Variants in TMEFF2 observed in about 807,000 individuals in gnomAD.
TMEFF2 encodes the protein tomoregulin-2.
TMEFF2 carries 28 observed loss-of-function variants against 53.8 expected under a neutral mutation model. The ratio of observed to expected loss-of-function variants is 0.52; its 90% CI spans 0.39 to 0.71. The LOEUF (loss-of-function observed/expected upper bound fraction) is 0.71. TMEFF2 is among the 30% of genes least tolerant of loss of function. The pLI is 0.00. For missense variants in TMEFF2, 353 were observed against 455.2 expected, an observed-to-expected ratio of 0.78 and a Z score of 2.04; for synonymous variants, 162 against 166.3, an observed-to-expected ratio of 0.97 and a Z score of 0.20.
intron 4 of TMEFF2, among the ~76,000 whole-genome samples, chr2:192,084,195 C>A (rs1336832098): frequency 6.6e-6 from 1 of 152,140 alleles, no homozygotes; most frequent in African/African-American, 2.4e-5. Flanking sequence ...CTGTAACCAT[C>A]TTTTGTGCTT....
chr2:192,169,247 G>A (rs2017375), intron 4 of TMEFF2, among the ~76,000 whole-genome samples: 78,847 of 151,958 alleles, frequency 0.52, 20,617 homozygotes, highest in East Asian at 0.63. Flanking sequence ...TCATCCTGAT[G>A]TAGATTTTCA....
intron 7 of TMEFF2, among the ~76,000 whole-genome samples, chr2:191,959,001 CAA>C (rs1010156011): frequency 3.9e-5 from 6 of 152,088 alleles, no homozygotes; most frequent in African/African-American, 1.4e-4. Flanking sequence ...AATATCCAAA[CAA>C]ACATGTATAT....
At chr2:192,107,114 G>GA (rs1043599411) in intron 4 of TMEFF2, among the ~76,000 whole-genome samples, 5 of 151,656 alleles carry the variant, frequency 3.3e-5, no homozygotes, top group East Asian at 3.8e-4. Flanking sequence ...AATATTCTGA[G>GA]AAAAAAGACT....
At chr2:192,064,848 A>T (rs1688131644) in intron 4 of TMEFF2, among the ~76,000 whole-genome samples, 1 of 151,906 alleles carries the variant, frequency 6.6e-6, no homozygotes, top group African/African-American at 2.4e-5. Context: ...CAGTTCCAGA[A>T]GGAAAAGATA....
At position 191,950,238 on chromosome 2, in the gene TMEFF2, A is replaced by ATTCT. The variant is rs1691830268; in HGVS notation, c.*69_*72dup. ...GCAACATGTGTAGATCTCTTGTCTT[A>ATTCT]TTCTTTTGTCTATAATACTGTATTG... On this transcript the variant is annotated 3_prime_UTR_variant, in exon 10 of 10. Coordinates refer to ENST00000272771, the MANE Select transcript of TMEFF2 (RefSeq NM_016192.4). 2.1e-5 allele frequency: 29 copies of ATTCT among 1,399,310 alleles called. No individual in the cohort carries two copies. Among genetic ancestry groups the ATTCT allele is most frequent in the Non-Finnish European group, 2.4e-5 (26 of 1,065,968 alleles). 86.7% of individuals were successfully genotyped at this position (1,399,310 alleles called of 1,614,324 possible). A position where few individuals can be genotyped will look rare whatever the true frequency, so the allele number is the denominator to read the frequency against.
intron 5 of TMEFF2, among the ~76,000 whole-genome samples, chr2:192,054,179 ACAAGATAT>A (rs760289776): frequency 6.6e-6 from 1 of 151,152 alleles, no homozygotes; most frequent in Non-Finnish European, 1.5e-5. Context: ...CTGGGGGCAT[ACAAGATAT>A]CATAGCCAAG....
chr2:192,120,109 G>T (rs530939527), intron 4 of TMEFF2, among the ~76,000 whole-genome samples: 1 of 152,134 alleles, frequency 6.6e-6, no homozygotes, highest in East Asian at 1.9e-4. Context: ...GGGCTTGGCT[G>T]GTAGGGCAAA....
At position 191,950,405 on chromosome 2, in the gene TMEFF2, T is replaced by C. The variant is rs774379982; in HGVS notation, c.1031A>G (p.Lys344Arg). 1 of 1,614,044 alleles carries C rather than the reference T, an allele frequency of 6.2e-7. No individual in the cohort carries two copies. The highest frequency in any genetic ancestry group is 2.2e-5 in the East Asian group (1 of 44,864). ...ICVVVLCITR[K>R]CPRSNRIHRQ... ...GTGAATTCTGTTGCTTCTGGGGCAT[T>C]TCCTGGAAGGTTGGAAAGTTTACAA... The change falls in exon 10 of 10, where the codon AAA becomes AGA. Residue 344 changes from lysine to arginine, a missense_variant and splice_region_variant. Physicochemically the swap from Lys to Arg is conservative, Grantham distance 26. This residue lies in a region of TMEFF2 where 294 missense variants were observed against 397.3 expected (regional missense o/e 0.74). Transcript: ENST00000272771.
chr2:192,127,747 A>T (rs566967190), intron 4 of TMEFF2, among the ~76,000 whole-genome samples: 1 of 152,222 alleles, frequency 6.6e-6, no homozygotes, highest in Non-Finnish European at 1.5e-5. Flanking sequence ...AGTTAGTTCA[A>T]TAAGTCGTGA....
In TMEFF2 at chr2:192,016,809, G is replaced by A. The variant is rs553099176; in HGVS notation, c.537-17601C>T. Among the ~76,000 whole-genome samples the A allele has an allele frequency of 3.6e-3, 541 of 152,304 alleles. 5 individuals are homozygous for A. The highest frequency in any genetic ancestry group is 5.9e-3 in the Admixed American group (90 of 15,296). On this transcript the variant is annotated intron_variant, in intron 5 of 9. Transcript: ENST00000272771. ...GCTGTAGAAGAAAAATTGCAAAGCA[G>A]AATTTTAGTGTTTTCATTCATTTAG...
At chr2:192,160,097 T>C (rs1425324176) in intron 4 of TMEFF2, among the ~76,000 whole-genome samples, 1 of 152,188 alleles carries the variant, frequency 6.6e-6, no homozygotes, top group Non-Finnish European at 1.5e-5. Flanking sequence ...GACTGCCTTC[T>C]AAAATTTTGA....
intron 2 of TMEFF2, among the ~76,000 whole-genome samples, chr2:192,188,865 A>G (rs1470091094): frequency 6.7e-6 from 1 of 148,482 alleles, no homozygotes; most frequent in African/African-American, 2.5e-5. Context: ...CTATCTATCT[A>G]TCTATCTATC....
intron 5 of TMEFF2, among the ~76,000 whole-genome samples, chr2:192,011,787 A>C (rs1006986714): frequency 2.0e-5 from 3 of 152,206 alleles, no homozygotes; most frequent in African/African-American, 4.8e-5. Context: ...GATCTGATTC[A>C]TCTTTACCCA....
At chr2:191,996,452 C>G (rs951903311) in intron 7 of TMEFF2, among the ~76,000 whole-genome samples, 1 of 151,638 alleles carries the variant, frequency 6.6e-6, no homozygotes, top group African/African-American at 2.4e-5. Flanking sequence ...CTTATAATAC[C>G]ATCAAAATAT....
At chr2:191,958,480 C>T (rs1331914938) in intron 7 of TMEFF2, among the ~76,000 whole-genome samples, 1 of 151,962 alleles carries the variant, frequency 6.6e-6, no homozygotes, top group African/African-American at 2.4e-5. Context: ...AGTGAAAATC[C>T]GGTTTTTAGT....
chr2:192,056,288 CAAT>C (rs1175143486), intron 5 of TMEFF2, among the ~76,000 whole-genome samples: 3 of 147,984 alleles, frequency 2.0e-5, no homozygotes, highest in Non-Finnish European at 3.0e-5. Context: ...GAAATAATAG[CAAT>C]AATAATAATA....
At chr2:192,100,903 C>T (rs1287577554) in intron 4 of TMEFF2, among the ~76,000 whole-genome samples, 3 of 152,094 alleles carry the variant, frequency 2.0e-5, no homozygotes, top group Non-Finnish European at 4.4e-5. Context: ...TTTGAATTTG[C>T]AACTTATTTG....
chr2:192,030,056 C>T (rs552116745), intron 5 of TMEFF2, among the ~76,000 whole-genome samples: 16 of 152,240 alleles, frequency 1.1e-4, no homozygotes, highest in Admixed American at 7.2e-4. Context: ...TGAGACAAAC[C>T]GATCTAGGGC....
chr2:192,067,624 A>G (rs938566274), intron 4 of TMEFF2, among the ~76,000 whole-genome samples: 2 of 151,818 alleles, frequency 1.3e-5, no homozygotes, highest in Non-Finnish European at 1.5e-5. Context: ...ATAAAGATGT[A>G]TCTTTATTAA....
Sources: allele counts gnomAD v4.1 joint callset (sites outside exome capture counted in the v4.1 genomes callset), GRCh38; gene constraint gnomAD v4.1.1; regional missense constraint gnomAD v4.1.1; transcripts MANE v1.5; gene names NCBI Gene and HGNC (gene_info 2026-07-23, HGNC 2026-07-21).